The following CCSER1 variants were observed in gnomAD, a reference collection of about 807,000 sequenced individuals.
CCSER1 encodes serine-rich coiled-coil domain-containing protein 1.
Under a neutral mutation model 82.0 loss-of-function variants are expected in CCSER1, and 41 were observed. The observed-to-expected ratio is 0.50, with a 90% CI of 0.39 to 0.65. CCSER1 has a LOEUF of 0.65. CCSER1 is among the 30% of genes least tolerant of loss of function. CCSER1 has a pLI of 0.00. For synonymous variants in CCSER1, 414 were observed against 383.9 expected (o/e 1.08, Z -0.92); for missense variants, 1,119 against 1,064.2 (o/e 1.05, Z -0.72).
chr4:90,521,426 C>A (rs1438917247), intron 5 of CCSER1, among the ~76,000 whole-genome samples: 3 of 152,088 alleles, frequency 2.0e-5, no homozygotes, highest in East Asian at 3.9e-4. Context: ...TGGCACAATT[C>A]ATGTGATGAA....
chr4:90,985,901 T>A lies in CCSER1; in HGVS notation c.2172+62454T>A, dbSNP rs544027538. Among the ~76,000 whole-genome samples, 13 of 151,914 alleles carry A rather than the reference T, an allele frequency of 8.6e-5. 1 individual carries two copies. In the South Asian group the frequency reaches 2.7e-3, roughly 31 times the overall value. On this transcript the variant is annotated intron_variant, in intron 9 of 10. Coordinates refer to ENST00000509176, the MANE Select transcript of CCSER1 (RefSeq NM_001145065.2). Reference sequence around the variant, plus strand: ...CAGCAAAAATATTAGACCAGTTAACTAATACATTCAGTGTAGGATTTGTTT... The same window carrying A: ...CAGCAAAAATATTAGACCAGTTAACAAATACATTCAGTGTAGGATTTGTTT...
chr4:90,419,923 A>G (rs932254425), intron 4 of CCSER1, among the ~76,000 whole-genome samples: 1 of 151,818 alleles, frequency 6.6e-6, no homozygotes, highest in Non-Finnish European at 1.5e-5. Context: ...TATACCTTAA[A>G]CTTTTTATAT....
chr4:91,481,113 C>T (rs1238201211), intron 10 of CCSER1, among the ~76,000 whole-genome samples: 1 of 145,744 alleles, frequency 6.9e-6, no homozygotes, highest in African/African-American at 2.5e-5. Context: ...TCCCCTACAG[C>T]CTCTCCTTTC....
At chr4:90,224,626 T>G (rs1742787768) in intron 1 of CCSER1, among the ~76,000 whole-genome samples, 1 of 152,316 alleles carries the variant, frequency 6.6e-6, no homozygotes, top group Non-Finnish European at 1.5e-5. Context: ...CACACGTATG[T>G]TTTACTTCAC....
At chr4:90,707,783 G>A (rs545882859) in intron 6 of CCSER1, among the ~76,000 whole-genome samples, 1 of 152,122 alleles carries the variant, frequency 6.6e-6, no homozygotes, top group South Asian at 2.1e-4. Flanking sequence ...AGGAGGTAGG[G>A]ATCATTTGTG....
intron 1 of CCSER1, among the ~76,000 whole-genome samples, chr4:90,192,992 T>G (rs942476130): frequency 1.3e-5 from 2 of 152,092 alleles, no homozygotes; most frequent in Admixed American, 1.3e-4. Context: ...TAAATTTTAT[T>G]AGGATTCCTA....
At chr4:91,057,317 T>A (rs1042049947) in intron 9 of CCSER1, among the ~76,000 whole-genome samples, 5 of 152,106 alleles carry the variant, frequency 3.3e-5, no homozygotes, top group African/African-American at 1.2e-4. Flanking sequence ...ACTCCAGAGT[T>A]CCAAAATAGC....
chr4:90,305,781 A>G (rs928110508), intron 1 of CCSER1, among the ~76,000 whole-genome samples: 1 of 152,220 alleles, frequency 6.6e-6, no homozygotes, highest in African/African-American at 2.4e-5. Context: ...AGGTTCCTCA[A>G]AAACTAAAGA....
chr4:90,930,931 T>TATAC (rs1401494244), intron 9 of CCSER1, among the ~76,000 whole-genome samples: 1 of 136,784 alleles, frequency 7.3e-6, no homozygotes, highest in Admixed American at 7.5e-5. Context: ...TATATATATA[T>TATAC]ATATATATAC....
At chr4:90,352,544 C>T (rs112375413) in intron 3 of CCSER1, among the ~76,000 whole-genome samples, 2,907 of 151,966 alleles carry the variant, frequency 0.019, 69 homozygotes, top group African/African-American at 0.06. Context: ...TGCCTGTAAT[C>T]CCAGCTACTT....
At chr4:91,443,987 A>G (rs1032762443) in intron 10 of CCSER1, among the ~76,000 whole-genome samples, 1 of 152,000 alleles carries the variant, frequency 6.6e-6, no homozygotes, top group Non-Finnish European at 1.5e-5. Flanking sequence ...CTGGCTTCAG[A>G]ATGGATTTCC....
chr4:90,881,711 G>T (rs553733874), intron 8 of CCSER1, among the ~76,000 whole-genome samples: 1 of 152,246 alleles, frequency 6.6e-6, no homozygotes, highest in South Asian at 2.1e-4. Flanking sequence ...CTTGAGCCTG[G>T]GAGGCAGAGG....
At chr4:90,311,898 T>C (rs1735346710) in intron 2 of CCSER1, among the ~76,000 whole-genome samples, 1 of 152,192 alleles carries the variant, frequency 6.6e-6, no homozygotes, top group African/African-American at 2.4e-5. Flanking sequence ...ACTAGGGATG[T>C]AGCAATACAC....
At chr4:91,042,023 A>T (rs1581405525) in intron 9 of CCSER1, among the ~76,000 whole-genome samples, 1 of 152,292 alleles carries the variant, frequency 6.6e-6, no homozygotes, top group East Asian at 1.9e-4. Flanking sequence ...ATTCAGTTAT[A>T]AAATCTAACC....
intron 8 of CCSER1, among the ~76,000 whole-genome samples, chr4:90,914,087 A>G (rs1394370385): frequency 6.6e-6 from 1 of 152,190 alleles, no homozygotes; most frequent in Non-Finnish European, 1.5e-5. Context: ...CAGATCAACA[A>G]GACAGAAAGT....
chr4:90,379,546 T>C (rs898616762), intron 3 of CCSER1, among the ~76,000 whole-genome samples: 5 of 152,066 alleles, frequency 3.3e-5, no homozygotes, highest in African/African-American at 1.2e-4. Flanking sequence ...ATATAGAAGA[T>C]AGAATATTTT....
chr4:90,767,725 A>G (rs1291123508), intron 7 of CCSER1, among the ~76,000 whole-genome samples: 4 of 152,060 alleles, frequency 2.6e-5, no homozygotes, highest in Non-Finnish European at 5.9e-5. Context: ...CCCAGGCTGG[A>G]GTGCAGTGGT....
intron 4 of CCSER1, among the ~76,000 whole-genome samples, chr4:90,457,942 T>A (rs1848953): frequency 0.019 from 2,944 of 152,164 alleles, 85 homozygotes; most frequent in African/African-American, 0.067. Context: ...CAGCACCCAA[T>A]GTCCAGAGGG....
At chr4:90,900,374 T>C (rs1431706739) in intron 8 of CCSER1, among the ~76,000 whole-genome samples, 1 of 151,974 alleles carries the variant, frequency 6.6e-6, no homozygotes. Context: ...ATGTAGCTAG[T>C]GGTCTATCAA....
Sources: gnomAD v4.1 joint callset for allele counts (sites outside exome capture counted in the v4.1 genomes callset) on GRCh38, gnomAD v4.1.1 for gene constraint, MANE v1.5 for transcripts, NCBI Gene and HGNC (gene_info 2026-07-23, HGNC 2026-07-21) for gene names.